The following TAF1B variants were observed in gnomAD, a reference collection of about 807,000 sequenced individuals.
TAF1B encodes TATA-box binding protein associated factor, RNA polymerase I subunit B, also known as TATA box-binding protein-associated factor RNA polymerase I subunit B.
In TAF1B, 61 loss-of-function variants were observed where a neutral mutation model predicts 83.9. That is an observed-to-expected ratio of 0.73 (90% confidence interval 0.59 to 0.90). TAF1B has a LOEUF of 0.90. TAF1B is among the 40% of genes least tolerant of loss of function. TAF1B has a pLI of 0.00. For synonymous variants in TAF1B, 221 were observed against 224.6 expected, an observed-to-expected ratio of 0.98 and a Z score of 0.14; for missense variants, 625 against 677.0, an observed-to-expected ratio of 0.92 and a Z score of 0.85.
At chr2:9,897,815 A>T (rs1004572633) in intron 8 of TAF1B, among the ~76,000 whole-genome samples, 17 of 152,238 alleles carry the variant, frequency 1.1e-4, no homozygotes, top group African/African-American at 4.1e-4. Flanking sequence ...GATTTTTTGT[A>T]CAATCTTTAT....
Position 9,843,513 on chromosome 2 carries a change from C to T in TAF1B, c.-29C>T, listed in dbSNP as rs1663085092. The T allele has an allele frequency of 4.6e-6, 7 of 1,524,544 alleles. No individual in the cohort carries two copies. The highest frequency in any genetic ancestry group is 1.2e-5 in the South Asian group (1 of 82,250). The allele number at this position is 1,524,544 out of a possible 1,614,324, so 94.4% of individuals were successfully genotyped here. On this transcript the variant is annotated 5_prime_UTR_variant, in exon 1 of 15. Coordinates refer to ENST00000263663, the MANE Select transcript of TAF1B (RefSeq NM_005680.3). ...GCGCTCGCTACCCGGGTAACGGGTCCCGGCTGTGGAAGCTCCCGCGGCGCC... is the reference window on the plus strand; with the variant it reads ...GCGCTCGCTACCCGGGTAACGGGTCTCGGCTGTGGAAGCTCCCGCGGCGCC...
At chr2:9,917,464 G>T (rs1665716050) in intron 12 of TAF1B, among the ~76,000 whole-genome samples, 1 of 139,084 alleles carries the variant, frequency 7.2e-6, no homozygotes, top group South Asian at 2.3e-4. Flanking sequence ...AAAGTTCACA[G>T]ATATTTCTTG....
At chr2:9,904,598 T>A (rs1665285034) in intron 8 of TAF1B, among the ~76,000 whole-genome samples, 1 of 152,196 alleles carries the variant, frequency 6.6e-6, no homozygotes, top group Non-Finnish European at 1.5e-5. Context: ...TTCCTTTGGG[T>A]ATATATCCAG....
intron 6 of TAF1B, among the ~76,000 whole-genome samples, chr2:9,873,620 A>ATTT (rs540990898): frequency 3.4e-5 from 4 of 117,604 alleles, no homozygotes; most frequent in African/African-American, 6.3e-5. Context: ...ATCAAACTGG[A>ATTT]TTTTTTTTTT....
intron 1 of TAF1B, among the ~76,000 whole-genome samples, chr2:9,844,904 C>T (rs188470341): frequency 6.8e-4 from 104 of 152,242 alleles, no homozygotes; most frequent in Non-Finnish European, 1.2e-3. Flanking sequence ...CTTCTCTATA[C>T]TTGTTTGTCA....
At chr2:9,925,995 A>G (rs542693709) in intron 14 of TAF1B, among the ~76,000 whole-genome samples, 102 of 152,214 alleles carry the variant, frequency 6.7e-4, no homozygotes, top group African/African-American at 2.4e-3. Context: ...CTTGCTTTTT[A>G]AAGTTGATAA....
chr2:9,865,956 C>T (rs538314852), intron 5 of TAF1B, among the ~76,000 whole-genome samples: 6 of 151,184 alleles, frequency 4.0e-5, no homozygotes, highest in Non-Finnish European at 7.4e-5. Flanking sequence ...TAAAGACTTA[C>T]ATGTTAGACC....
At chr2:9,852,008 G>A (rs146418149) in intron 4 of TAF1B, 37 of 477,216 alleles carry the variant, frequency 7.8e-5, no homozygotes, top group African/African-American at 4.2e-4. Flanking sequence ...GAACAAAATC[G>A]TTTGGTGTAT....
At position 9,845,390 on chromosome 2, in the gene TAF1B, A is replaced by G. The variant is rs533592897; in HGVS notation, c.117+72A>G. The G allele has an allele frequency of 5.6e-6, 7 of 1,254,852 alleles. No homozygotes were observed. The African/African-American group carries it at 7.4e-5, about 13-fold the overall frequency. The allele number at this position is 1,254,852 out of a possible 1,614,324, so 77.7% of individuals were successfully genotyped here. On this transcript the variant is annotated intron_variant, in intron 2 of 14. Coordinates refer to ENST00000263663, the MANE Select transcript of TAF1B (RefSeq NM_005680.3). ...GCCATTTCAGCCTGATATGTAGTCT[A>G]AGTCCCAAAGAATTGGGTTGATTTT...
chr2:9,912,855 A>G (rs1346417313), intron 11 of TAF1B, among the ~76,000 whole-genome samples: 1 of 152,248 alleles, frequency 6.6e-6, no homozygotes, highest in African/African-American at 2.4e-5. Context: ...TGTATGGTCT[A>G]CAAGGTCATA....
intron 1 of TAF1B, among the ~76,000 whole-genome samples, chr2:9,844,628 T>C (rs1164612931): frequency 6.6e-6 from 1 of 152,196 alleles, no homozygotes; most frequent in Admixed American, 6.5e-5. Flanking sequence ...GTTGGCTAAC[T>C]TCTGTAAATG....
rs1170085605 is a variant in TAF1B, at chr2:9,910,722, G to C, written c.956-14G>C. On this transcript the variant is annotated splice_polypyrimidine_tract_variant and intron_variant, in intron 9 of 14. Transcript: ENST00000263663. ...GTTGGCAAATAATTTACATTTTACTGTTTTGTTCTTCAGATGAAATGCATA... is the reference window on the plus strand; with the variant it reads ...GTTGGCAAATAATTTACATTTTACTCTTTTGTTCTTCAGATGAAATGCATA... 1.9e-6 allele frequency: 3 copies of C among 1,601,436 alleles called. No homozygotes were observed. The highest frequency in any genetic ancestry group is 2.6e-6 in the Non-Finnish European group (3 of 1,172,026).
intron 6 of TAF1B, 84 bp downstream of exon 6, chr2:9,868,513 A>C: frequency 6.5e-7 from 1 of 1,530,216 alleles, no homozygotes; most frequent in East Asian, 2.3e-5. Context: ...TGATAATCCA[A>C]GGAAAGGGAA....
At chr2:9,897,304 G>A (rs1258315838) in intron 8 of TAF1B, among the ~76,000 whole-genome samples, 1 of 152,048 alleles carries the variant, frequency 6.6e-6, no homozygotes, top group Admixed American at 6.5e-5. Context: ...TGATTTTCTT[G>A]ATATATTTTA....
chr2:9,871,877 A>G (rs1056111389), intron 6 of TAF1B, among the ~76,000 whole-genome samples: 7 of 152,130 alleles, frequency 4.6e-5, no homozygotes, highest in African/African-American at 1.7e-4. Context: ...AGTATTCAGT[A>G]TGTAAACTTT....
At chr2:9,869,927 T>C (rs1199241256) in intron 6 of TAF1B, among the ~76,000 whole-genome samples, 1 of 151,954 alleles carries the variant, frequency 6.6e-6, no homozygotes, top group Non-Finnish European at 1.5e-5. Flanking sequence ...AAAATGCAGA[T>C]AGTCACGAAG....
intron 14 of TAF1B, 27 bp from the exon 15 acceptor site, chr2:9,933,755 TA>T (rs749049561): frequency 1.9e-6 from 3 of 1,570,332 alleles, no homozygotes; most frequent in Admixed American, 1.8e-5. Context: ...CATCTAAAGA[TA>T]AATTCTTTTT....
At chr2:9,856,166 C>T (rs1275088844) in intron 5 of TAF1B, among the ~76,000 whole-genome samples, 1 of 151,936 alleles carries the variant, frequency 6.6e-6, no homozygotes, top group Non-Finnish European at 1.5e-5. Flanking sequence ...AAAGAGATAA[C>T]CTCTGAGCTC....
intron 7 of TAF1B, among the ~76,000 whole-genome samples, chr2:9,879,986 T>C (rs1378262855): frequency 1.3e-5 from 2 of 152,094 alleles, no homozygotes; most frequent in African/African-American, 4.8e-5. Context: ...TGATTGATGT[T>C]TTTAAAAGAT....
Sources: gnomAD v4.1 joint callset for allele counts (sites outside exome capture counted in the v4.1 genomes callset) on GRCh38, gnomAD v4.1.1 for gene constraint, MANE v1.5 for transcripts, NCBI Gene and HGNC (gene_info 2026-07-23, HGNC 2026-07-21) for gene names.